Variants in NRG3 observed in about 807,000 individuals in gnomAD.
NRG3 encodes the protein pro-neuregulin-3, membrane-bound isoform.
A neutral mutation model predicts 66.9 loss-of-function variants in NRG3; 31 were observed. That is an observed-to-expected ratio of 0.46 (90% confidence interval 0.35 to 0.63). NRG3 has a LOEUF of 0.63. Ranked by LOEUF, NRG3 falls within the 20% of genes least tolerant of loss-of-function variation. NRG3 has a pLI of 0.00. For missense variants in NRG3, 910 were observed against 878.9 expected, an observed-to-expected ratio of 1.04 and a Z score of -0.45; for synonymous variants, 393 against 359.4, an observed-to-expected ratio of 1.09 and a Z score of -1.06.
chr10:82,698,932 A>G (rs1415969757), intron 2 of NRG3, among the ~76,000 whole-genome samples: 1 of 152,150 alleles, frequency 6.6e-6, no homozygotes, highest in Non-Finnish European at 1.5e-5. Flanking sequence ...CAATATTTAC[A>G]TTGTTTAAAA....
At chr10:82,984,456 G>A (rs1423686216) in intron 8 of NRG3, among the ~76,000 whole-genome samples, 1 of 152,196 alleles carries the variant, frequency 6.6e-6, no homozygotes, top group African/African-American at 2.4e-5. Context: ...GCAGGTAGAG[G>A]AATTGTTAGC....
chr10:82,840,172 G>A (rs2062986904), intron 3 of NRG3, among the ~76,000 whole-genome samples: 2 of 152,128 alleles, frequency 1.3e-5, no homozygotes, highest in South Asian at 2.1e-4. Flanking sequence ...GCCAAAAATA[G>A]CAACTGTAGG....
chr10:82,624,975 C>A (rs2049316790), intron 2 of NRG3, among the ~76,000 whole-genome samples: 1 of 149,238 alleles, frequency 6.7e-6, no homozygotes, highest in Non-Finnish European at 1.5e-5. Context: ...AGCCTTAATA[C>A]ATTTAAAAGA....
intron 1 of NRG3, among the ~76,000 whole-genome samples, chr10:81,951,554 A>G (rs1016456540): frequency 6.6e-6 from 1 of 152,196 alleles, no homozygotes; most frequent in Non-Finnish European, 1.5e-5. Context: ...GCTCCTAGAA[A>G]AAGTGGATTG....
intron 4 of NRG3, among the ~76,000 whole-genome samples, chr10:82,935,987 A>G (rs999832103): frequency 6.6e-6 from 1 of 152,202 alleles, no homozygotes; most frequent in Non-Finnish European, 1.5e-5. Context: ...TAATAGTTAC[A>G]TGGGTAGAGA....
chr10:82,884,598 A>G (rs1411507373), intron 4 of NRG3, among the ~76,000 whole-genome samples: 4 of 152,184 alleles, frequency 2.6e-5, no homozygotes, highest in Admixed American at 2.6e-4. Flanking sequence ...TGTAAAATTG[A>G]CGCTATACTA....
chr10:82,095,764 A>G (rs886719793), intron 1 of NRG3, among the ~76,000 whole-genome samples: 1 of 152,220 alleles, frequency 6.6e-6, no homozygotes, highest in Non-Finnish European at 1.5e-5. Context: ...CTCTCTGGGA[A>G]TGAGCTAAAT....
chr10:81,941,443 C>T (rs558757336), intron 1 of NRG3, among the ~76,000 whole-genome samples: 14 of 152,182 alleles, frequency 9.2e-5, no homozygotes, highest in African/African-American at 3.4e-4. Flanking sequence ...ATACTAATTT[C>T]TACGTGTGCA....
At chr10:82,450,114 C>G (rs1239323145) in intron 2 of NRG3, among the ~76,000 whole-genome samples, 2 of 152,150 alleles carry the variant, frequency 1.3e-5, no homozygotes, top group South Asian at 2.1e-4. Context: ...CAACATTTCC[C>G]TCTCTGGTAA....
At chr10:82,147,978 A>G (rs2070386792) in intron 1 of NRG3, among the ~76,000 whole-genome samples, 1 of 152,192 alleles carries the variant, frequency 6.6e-6, no homozygotes, top group African/African-American at 2.4e-5. Context: ...AAGAAGTTTC[A>G]TGAGGCTTTG....
At chr10:81,941,008 T>A (rs974127996) in intron 1 of NRG3, among the ~76,000 whole-genome samples, 5 of 152,154 alleles carry the variant, frequency 3.3e-5, no homozygotes, top group Admixed American at 2.0e-4. Flanking sequence ...TACCTTATTG[T>A]GTGTTCTCTA....
rs1312257208 is a variant in NRG3 at position 82,521,651 on chromosome 10, ATTT to A, written c.953+162786_953+162788del. 2.0e-5 allele frequency among the ~76,000 whole-genome samples: 3 copies of A among 152,078 alleles called. No individual in the cohort carries two copies. In the East Asian group the frequency reaches 5.8e-4, roughly 30 times the overall value. Reference sequence around the variant, plus strand: ...ACCGTGCCCGGCCAGACTGTGGAAAATTTTTAAGACAACAATGAAGGTCGCTAC... The same window carrying A: ...ACCGTGCCCGGCCAGACTGTGGAAAATTAAGACAACAATGAAGGTCGCTAC... On this transcript the variant is annotated intron_variant, in intron 2 of 8. Transcript: ENST00000372141.
At chr10:82,797,133 G>A (rs1297471808) in intron 3 of NRG3, among the ~76,000 whole-genome samples, 1 of 152,050 alleles carries the variant, frequency 6.6e-6, no homozygotes, top group African/African-American at 2.4e-5. Flanking sequence ...CATTGCGTTC[G>A]ACACTGTTGT....
At chr10:82,526,854 C>G (rs746757511) in intron 2 of NRG3, among the ~76,000 whole-genome samples, 19 of 151,914 alleles carry the variant, frequency 1.3e-4, no homozygotes, top group Non-Finnish European at 2.4e-4. Context: ...CTGAAAAACA[C>G]AAATTACTTT....
chr10:82,792,926 C>G (rs1591541076), intron 3 of NRG3, among the ~76,000 whole-genome samples: 1 of 152,070 alleles, frequency 6.6e-6, no homozygotes, highest in East Asian at 1.9e-4. Flanking sequence ...GGTGATCCGC[C>G]CACCTCGGCG....
At chr10:82,344,133 T>C (rs1197181138) in intron 1 of NRG3, among the ~76,000 whole-genome samples, 1 of 150,964 alleles carries the variant, frequency 6.6e-6, no homozygotes, top group Non-Finnish European at 1.5e-5. Context: ...TACATACGTA[T>C]ACATGTGCCA....
intron 2 of NRG3, among the ~76,000 whole-genome samples, chr10:82,667,015 A>T (rs1175601851): frequency 6.6e-6 from 1 of 152,140 alleles, no homozygotes; most frequent in African/African-American, 2.4e-5. Flanking sequence ...TTTGAACAGC[A>T]CCTGATTTAA....
At chr10:82,242,836 T>C (rs2077065006) in intron 1 of NRG3, among the ~76,000 whole-genome samples, 2 of 152,198 alleles carry the variant, frequency 1.3e-5, no homozygotes, top group Non-Finnish European at 2.9e-5. Flanking sequence ...TATTTACAAA[T>C]TTTGATTTGC....
Position 82,974,312 on chromosome 10 carries a change from A to G in NRG3, c.1412+397A>G, listed in dbSNP as rs575683956. On this transcript the variant is annotated intron_variant, in intron 7 of 8. Coordinates refer to ENST00000372141, the MANE Select transcript of NRG3 (RefSeq NM_001010848.4). ...GGTTTTCCAATATGGTTCTTACAAA[A>G]TAAAATTTTCCACGGGGAAGAAGCC... Among the ~76,000 whole-genome samples the G allele has an allele frequency of 1.5e-3, 232 of 152,326 alleles. 11 individuals carry two copies. In the South Asian group the frequency reaches 0.047, roughly 31 times the overall value.
Sources: allele counts gnomAD v4.1 joint callset (sites outside exome capture counted in the v4.1 genomes callset), GRCh38; gene constraint gnomAD v4.1.1; transcripts MANE v1.5; gene names NCBI Gene and HGNC (gene_info 2026-07-23, HGNC 2026-07-21).